MAP3K13: variants seen among roughly 807,000 people sequenced by gnomAD.
MAP3K13 encodes leucine zipper-bearing kinase.
In MAP3K13, 52 loss-of-function variants were observed where a neutral mutation model predicts 104.0. That is an observed-to-expected ratio of 0.50 (90% CI 0.40 to 0.63). MAP3K13 has a LOEUF of 0.63. Among genes scored for constraint, MAP3K13 ranks in the 20% least tolerant of loss-of-function variants. The pLI, the probability that MAP3K13 is intolerant of heterozygous loss-of-function variation, is 0.00. For missense variants in MAP3K13, 914 were observed against 1,218.5 expected (o/e 0.75, Z 3.72); for synonymous variants, 394 against 442.2 (o/e 0.89, Z 1.37).
chr3:185,439,939 C>T (rs1715236268), intron 3 of MAP3K13, among the ~76,000 whole-genome samples: 4 of 152,158 alleles, frequency 2.6e-5, no homozygotes, highest in Admixed American at 2.6e-4. Context: ...GTTATGTTTG[C>T]AGCCATCTGT....
chr3:185,383,999 G>T (rs1560076941), intron 1 of MAP3K13, among the ~76,000 whole-genome samples: 1 of 152,092 alleles, frequency 6.6e-6, no homozygotes, highest in Non-Finnish European at 1.5e-5. Flanking sequence ...ATAAATTGTT[G>T]TTAACTATAG....
chr3:185,455,773 G>GATATATATATGAGATATATATATC (rs1716659307), intron 7 of MAP3K13, among the ~76,000 whole-genome samples: 1 of 86,792 alleles, frequency 1.2e-5, no homozygotes, highest in Non-Finnish European at 2.2e-5. Flanking sequence ...ATATATATAT[G>GATATATATATGAGATATATATATC]ATATATATAT....
At chr3:185,421,555 A>G (rs752574708) in intron 1 of MAP3K13, among the ~76,000 whole-genome samples, 2 of 152,004 alleles carry the variant, frequency 1.3e-5, no homozygotes, top group East Asian at 1.9e-4. Flanking sequence ...TATCCCTCCA[A>G]TGTTCCTTGT....
At chr3:185,385,534 A>G (rs1475357647) in intron 1 of MAP3K13, among the ~76,000 whole-genome samples, 2 of 152,174 alleles carry the variant, frequency 1.3e-5, no homozygotes, top group Admixed American at 1.3e-4. Context: ...TTCCAAAAAA[A>G]ATGAAGAGGA....
chr3:185,387,618 A>G (rs1186852729), intron 1 of MAP3K13, among the ~76,000 whole-genome samples: 1 of 152,174 alleles, frequency 6.6e-6, no homozygotes, highest in African/African-American at 2.4e-5. Context: ...AAAATTCAAC[A>G]TCCCTTCATG....
chr3:185,285,033 T>G lies in MAP3K13; in HGVS notation c.-204-492T>G, dbSNP rs906360097. Among the ~76,000 whole-genome samples, 11 of 149,030 alleles carry G rather than the reference T, an allele frequency of 7.4e-5. 1 individual carries two copies. Among genetic ancestry groups the G allele is most frequent in the Admixed American group, 3.3e-4 (5 of 14,990 alleles). ...AAACCCTGAATTTATGTCATACGGG[T>G]GTGTGTGTGTGTGTGTGTGTTTTAC... On this transcript the variant is annotated intron_variant, in intron 1 of 14. Transcript: ENST00000424227.
chr3:185,307,064 G>A (rs774295057), intron 2 of MAP3K13, among the ~76,000 whole-genome samples: 6 of 151,960 alleles, frequency 3.9e-5, no homozygotes, highest in Non-Finnish European at 8.8e-5. Flanking sequence ...AATCTCATGC[G>A]AGTTCTCTTG....
At chr3:185,469,263 CTGTCA>C (rs1475903039) in intron 10 of MAP3K13, among the ~76,000 whole-genome samples, 1 of 152,152 alleles carries the variant, frequency 6.6e-6, no homozygotes, top group Non-Finnish European at 1.5e-5. Context: ...CATTTCCAGC[CTGTCA>C]TAAGTGAGTA....
intron 1 of MAP3K13, among the ~76,000 whole-genome samples, chr3:185,427,198 CAAAA>C (rs58646071): frequency 7.9e-6 from 1 of 127,136 alleles, no homozygotes. Context: ...ACTAAAAATA[CAAAA>C]AAAAAAAAAA....
At chr3:185,389,320 G>C (rs1284481213) in intron 1 of MAP3K13, among the ~76,000 whole-genome samples, 1 of 152,084 alleles carries the variant, frequency 6.6e-6, no homozygotes, top group Non-Finnish European at 1.5e-5. Context: ...TTTATTAGCT[G>C]TATGCCTTGG....
intron 11 of MAP3K13, chr3:185,476,618 AC>A (rs1275604915): frequency 6.6e-6 from 1 of 152,486 alleles, no homozygotes; most frequent in Non-Finnish European, 1.5e-5. Flanking sequence ...CAGGACACTT[AC>A]CCCGCCTTCC....
chr3:185,288,195 C>A (rs773923354), intron 2 of MAP3K13, among the ~76,000 whole-genome samples: 3 of 152,002 alleles, frequency 2.0e-5, no homozygotes, highest in African/African-American at 7.2e-5. Flanking sequence ...AGGACAGATT[C>A]TTTTCCTAAA....
chr3:185,381,110 G>A (rs1407615825), intron 1 of MAP3K13, among the ~76,000 whole-genome samples: 1 of 152,038 alleles, frequency 6.6e-6, no homozygotes, highest in Non-Finnish European at 1.5e-5. Flanking sequence ...TTACAGGCGT[G>A]TGCTACCACG....
chr3:185,430,693 G>A lies in MAP3K13; in HGVS notation c.475+1637G>A, dbSNP rs77390019. Among the ~76,000 whole-genome samples the A allele has an allele frequency of 8.8e-3, 1,332 of 151,956 alleles. 30 individuals are homozygous for A. The highest frequency in any genetic ancestry group is 0.052 in the Admixed American group (800 of 15,260). On this transcript the variant is annotated intron_variant, in intron 2 of 13. Transcript: ENST00000265026. Reference sequence around the variant, plus strand: ...TTTTCTGATAACAAAAGTAATATACGTATGAAATTTGGAAAATACAGGTAA... The same window carrying A: ...TTTTCTGATAACAAAAGTAATATACATATGAAATTTGGAAAATACAGGTAA...
intron 2 of MAP3K13, among the ~76,000 whole-genome samples, chr3:185,348,047 G>A (rs1221395874): frequency 2.7e-5 from 4 of 150,256 alleles, no homozygotes; most frequent in African/African-American, 9.8e-5. Flanking sequence ...AAAAGAAAAA[G>A]AAATATAAAT....
At chr3:185,409,235 G>A (rs1013941675) in intron 1 of MAP3K13, among the ~76,000 whole-genome samples, 3 of 152,210 alleles carry the variant, frequency 2.0e-5, no homozygotes, top group African/African-American at 7.2e-5. Flanking sequence ...AGGCGTGGTG[G>A]TGTGTGCCTG....
intron 1 of MAP3K13, among the ~76,000 whole-genome samples, chr3:185,414,106 G>A (rs1411151589): frequency 6.6e-6 from 1 of 152,088 alleles, no homozygotes; most frequent in African/African-American, 2.4e-5. Flanking sequence ...TCCTGTCTTC[G>A]CCACTTAGTA....
At chr3:185,365,332 A>G (rs1431514143) in intron 1 of MAP3K13, among the ~76,000 whole-genome samples, 1 of 152,214 alleles carries the variant, frequency 6.6e-6, no homozygotes, top group African/African-American at 2.4e-5. Context: ...TTAAAAACTG[A>G]AGCTACTCCA....
chr3:185,452,649 T>C (rs1173120012), intron 7 of MAP3K13, among the ~76,000 whole-genome samples: 1 of 152,204 alleles, frequency 6.6e-6, no homozygotes, highest in Non-Finnish European at 1.5e-5. Context: ...GGCTCACTCG[T>C]GTGTCTGTGG....
Sources: allele counts gnomAD v4.1 joint callset (sites outside exome capture counted in the v4.1 genomes callset), GRCh38; gene constraint gnomAD v4.1.1; transcripts MANE v1.5; gene names NCBI Gene and HGNC (gene_info 2026-07-23, HGNC 2026-07-21).